PCDH11X: variants seen among roughly 807,000 people sequenced by gnomAD.
PCDH11X encodes the protein protocadherin-11 X-linked.
Under a neutral mutation model 53.3 loss-of-function variants are expected in PCDH11X, and 18 were observed. That is an observed-to-expected ratio of 0.34 (90% CI 0.23 to 0.50). The LOEUF (loss-of-function observed/expected upper bound fraction) is 0.50, where lower values mean the gene tolerates loss of function less well. PCDH11X is among the 20% of genes least tolerant of loss of function. The pLI, the probability that PCDH11X is intolerant of heterozygous loss-of-function variation, is 0.98. For missense variants in PCDH11X, 570 were observed against 1,032.4 expected (o/e 0.55, Z 6.14); for synonymous variants, 279 against 393.3 (o/e 0.71, Z 3.44).
intron 6 of PCDH11X, among the ~76,000 whole-genome samples, chrX:92,027,299 T>C (rs948472023): frequency 4.5e-5 from 5 of 111,852 alleles, no homozygotes; most frequent in Admixed American, 3.8e-4. Flanking sequence ...AAGGGGCTTA[T>C]TGGCCTGTAA....
intron 7 of PCDH11X, among the ~76,000 whole-genome samples, chrX:92,259,392 A>C (rs1188065329): frequency 9.0e-6 from 1 of 111,496 alleles, no homozygotes; most frequent in Admixed American, 9.6e-5. Context: ...AAGCCTCAGG[A>C]AACTTACAAT....
At chrX:92,295,957 C>T (rs2068599207) in intron 8 of PCDH11X, among the ~76,000 whole-genome samples, 1 of 109,557 alleles carries the variant, frequency 9.1e-6, no homozygotes, top group East Asian at 2.9e-4. Flanking sequence ...GTGGCATACA[C>T]ATGTAGTCTA....
chrX:92,583,221 T>C (rs1453495285), intron 10 of PCDH11X, among the ~76,000 whole-genome samples: 5 of 105,358 alleles, frequency 4.7e-5, no homozygotes, highest in African/African-American at 1.8e-4. Flanking sequence ...TGCCTCAGCC[T>C]CCTGAGTAGC....
chrX:91,805,748 C>G (rs1362212993), intron 1 of PCDH11X, among the ~76,000 whole-genome samples: 11 of 108,005 alleles, frequency 1.0e-4, no homozygotes, highest in Non-Finnish European at 2.1e-4. Flanking sequence ...ATGACTTGAG[C>G]TGAGGAGTTA....
chrX:92,605,199 A>G (rs1926660995), intron 10 of PCDH11X, among the ~76,000 whole-genome samples: 1 of 109,960 alleles, frequency 9.1e-6, no homozygotes, highest in Non-Finnish European at 1.9e-5. Flanking sequence ...GAAAAGATTG[A>G]ACTCATCCAG....
intron 9 of PCDH11X, among the ~76,000 whole-genome samples, chrX:92,439,987 GT>G (rs1290579076): frequency 1.2e-5 from 1 of 85,854 alleles, no homozygotes; most frequent in African/African-American, 3.9e-5. Flanking sequence ...TTGATAGCTA[GT>G]TTTTTAAAAA....
intron 8 of PCDH11X, among the ~76,000 whole-genome samples, chrX:92,276,808 C>T (rs1049436459): frequency 1.8e-5 from 2 of 111,533 alleles, no homozygotes; most frequent in African/African-American, 6.5e-5. Context: ...CTTTTAGGGT[C>T]TAGGGCTGTA....
intron 8 of PCDH11X, among the ~76,000 whole-genome samples, chrX:92,381,502 A>G (rs1452397408): frequency 8.9e-6 from 1 of 111,974 alleles, no homozygotes; most frequent in Non-Finnish European, 1.9e-5. Flanking sequence ...ATACATTCTA[A>G]TAATTATTAT....
intron 10 of PCDH11X, among the ~76,000 whole-genome samples, chrX:92,612,918 A>G (rs999425229): frequency 1.8e-5 from 2 of 109,436 alleles, no homozygotes; most frequent in African/African-American, 3.3e-5. Flanking sequence ...TTTATCTGAT[A>G]TAAGAATAGC....
chrX:92,317,056 T>G (rs1191483937), intron 8 of PCDH11X, among the ~76,000 whole-genome samples: 3 of 111,694 alleles, frequency 2.7e-5, no homozygotes, highest in Non-Finnish European at 3.8e-5. Flanking sequence ...GAAAGTAATT[T>G]GTAAAACTGT....
At chrX:92,308,213 C>T (rs1307500130) in intron 8 of PCDH11X, among the ~76,000 whole-genome samples, 2 of 110,421 alleles carry the variant, frequency 1.8e-5, no homozygotes, top group Non-Finnish European at 3.8e-5. Context: ...TAAAAAAGAA[C>T]GAAGTGGGAG....
intron 10 of PCDH11X, among the ~76,000 whole-genome samples, chrX:92,553,773 T>C (rs1229206252): frequency 1.0e-4 from 11 of 108,647 alleles, no homozygotes; most frequent in African/African-American, 3.7e-4. Flanking sequence ...TCCATTATCA[T>C]TCAATAGGTG....
chrX:92,204,208 A>G (rs2066438464), intron 7 of PCDH11X, among the ~76,000 whole-genome samples: 1 of 112,104 alleles, frequency 8.9e-6, no homozygotes, highest in African/African-American at 3.2e-5. Flanking sequence ...TTGGTGATTA[A>G]CATTTGGCTC....
chrX:92,345,419 GAAC>G (rs200037005), intron 8 of PCDH11X, among the ~76,000 whole-genome samples: 1,641 of 109,506 alleles, frequency 0.015, 26 homozygotes, highest in African/African-American at 0.051. Context: ...GGATTACAAA[GAAC>G]AACCACAGAG....
chrX:91,886,526 TG>T (rs1940202477), intron 6 of PCDH11X, among the ~76,000 whole-genome samples: 2 of 111,015 alleles, frequency 1.8e-5, no homozygotes, highest in African/African-American at 6.6e-5. Flanking sequence ...TTTAATGATA[TG>T]ATATTTAAGC....
In PCDH11X at chrX:92,253,855, C is replaced by T. The variant is rs373002768; in HGVS notation, c.3115-9259C>T. 3.9e-3 allele frequency among the ~76,000 whole-genome samples: 436 copies of T among 111,577 alleles called. 4 individuals carry two copies. The highest frequency in any genetic ancestry group is 0.014 in the African/African-American group (417 of 30,692). ...GTTTTCTTGTGGAGTCTAGGTTTTC[C>T]ATATATAAGAACATATGATCTGCAA... On this transcript the variant is annotated intron_variant, in intron 7 of 10. Coordinates refer to ENST00000682573, the MANE Select transcript of PCDH11X (RefSeq NM_032968.5).
chrX:92,578,868 T>C (rs1338779213), intron 10 of PCDH11X, among the ~76,000 whole-genome samples: 1 of 109,741 alleles, frequency 9.1e-6, no homozygotes, highest in Non-Finnish European at 1.9e-5. Context: ...CAGTGTGTTT[T>C]TGTAGTGGAT....
At chrX:92,479,078 T>A (rs2073448739) in intron 10 of PCDH11X, among the ~76,000 whole-genome samples, 1 of 111,824 alleles carries the variant, frequency 8.9e-6, no homozygotes, top group South Asian at 3.7e-4. Flanking sequence ...GACAGTAAGG[T>A]CTTCTTGTTG....
At chrX:92,268,647 G>A (rs1330910902) in intron 8 of PCDH11X, among the ~76,000 whole-genome samples, 3 of 111,966 alleles carry the variant, frequency 2.7e-5, no homozygotes, top group Non-Finnish European at 5.6e-5. Flanking sequence ...CAGGTACACT[G>A]TGAAGCCTTT....
Sources: allele counts gnomAD v4.1 joint callset (sites outside exome capture counted in the v4.1 genomes callset), GRCh38; gene constraint gnomAD v4.1.1; transcripts MANE v1.5; gene names NCBI Gene and HGNC (gene_info 2026-07-23, HGNC 2026-07-21).